The following RTN1 variants were observed in gnomAD, a reference collection of about 807,000 sequenced individuals.
RTN1 encodes reticulon-1.
Under a neutral mutation model 65.5 loss-of-function variants are expected in RTN1, and 25 were observed. That is an observed-to-expected ratio of 0.38 (90% CI 0.28 to 0.53). The LOEUF is 0.53. RTN1 is among the 20% of genes least tolerant of loss of function. RTN1 has a pLI of 0.79. For synonymous variants in RTN1, 471 were observed against 447.6 expected, an observed-to-expected ratio of 1.05 and a Z score of -0.66; for missense variants, 983 against 1,025.4, an observed-to-expected ratio of 0.96 and a Z score of 0.57.
chr14:59,859,177 A>C (rs1312758200), intron 1 of RTN1, among the ~76,000 whole-genome samples: 1 of 152,236 alleles, frequency 6.6e-6, no homozygotes, highest in Non-Finnish European at 1.5e-5. Context: ...TAAAATAATG[A>C]TATGGCTTGA....
intron 1 of RTN1, among the ~76,000 whole-genome samples, chr14:59,862,257 T>A (rs1887724017): frequency 6.6e-6 from 1 of 152,212 alleles, no homozygotes; most frequent in Admixed American, 6.5e-5. Flanking sequence ...GGCCATTATG[T>A]CCCTTCCTAA....
In RTN1 at chr14:59,607,149, C is replaced by T. The variant is rs564716772; in HGVS notation, c.1973+136G>A. ...ACCAGAAATGTTAGATATTCAAAGA[C>T]AGGGTGTTAGGGGAGACTCTAAGAG... On this transcript the variant is annotated intron_variant, in intron 4 of 8. Transcript: ENST00000267484. 8.6e-4 allele frequency: 569 copies of T among 662,108 alleles called. 6 individuals are homozygous for T. In the South Asian group the frequency reaches 0.011, roughly 12 times the overall value. 41.0% of individuals were successfully genotyped at this position (662,108 alleles called of 1,614,324 possible). A position where few individuals can be genotyped will look rare whatever the true frequency, so the allele number is the denominator to read the frequency against.
In RTN1 at chr14:59,607,379, G is replaced by T; in HGVS notation, c.1879C>A (p.Leu627Met). Residue 627 changes from leucine (L) to methionine (M), a missense_variant, in exon 4 of 9, where the codon CTG becomes ATG. Around this residue, in one of 2 missense-constraint regions of RTN1, gnomAD observed 165 missense variants for 223.6 expected, o/e 0.74. Coordinates refer to ENST00000267484, the MANE Select transcript of RTN1 (RefSeq NM_021136.3). ...GTGGCTGAGAGTGCGGCCAGGGCCA[G>T]GTAGGCCACGACGCTCACCACGCTG... The part of the protein sequence containing the change: ...QFSVVSVVAY[L>M]ALAALSATIS... The T allele has an allele frequency of 6.2e-7, 1 of 1,613,654 alleles. No homozygotes were observed. The highest frequency in any genetic ancestry group is 1.1e-5 in the South Asian group (1 of 91,050).
chr14:59,826,631 A>G (rs1243024359), intron 1 of RTN1, among the ~76,000 whole-genome samples: 1 of 152,240 alleles, frequency 6.6e-6, no homozygotes. Flanking sequence ...ACAAAGGCCC[A>G]CTTTTGCTAA....
At position 59,836,239 on chromosome 14, in the gene RTN1, A is replaced by AC. The variant is rs1207248947; in HGVS notation, c.241+34150dup. 6.6e-6 allele frequency among the ~76,000 whole-genome samples: 1 copy of AC among 152,222 alleles called. No homozygotes were observed. The highest frequency in any genetic ancestry group is 1.5e-5 in the Non-Finnish European group (1 of 68,046). On this transcript the variant is annotated intron_variant, in intron 1 of 8. Coordinates refer to ENST00000267484, the MANE Select transcript of RTN1 (RefSeq NM_021136.3). This position sits in a 1 kb window ranked among gnomAD's most constrained non-coding sequence, Gnocchi z 4.9. ...CAGGTTCCAGGGATTAGACGTGGAC[A>AC]CCTTTGGGAGCCATTATTCTGCCTA...
At chr14:59,632,783 G>C (rs1478988120) in intron 3 of RTN1, among the ~76,000 whole-genome samples, 1 of 152,034 alleles carries the variant, frequency 6.6e-6, no homozygotes, top group African/African-American at 2.4e-5. Flanking sequence ...TCTGGGCCAG[G>C]CGTTTTCATT....
At chr14:59,645,767 T>C (rs1200309807) in intron 3 of RTN1, among the ~76,000 whole-genome samples, 1 of 152,136 alleles carries the variant, frequency 6.6e-6, no homozygotes, top group African/African-American at 2.4e-5. Context: ...CTGGGCAGAG[T>C]TACCAGGCCC....
At chr14:59,698,503 T>C (rs1292864974) in intron 3 of RTN1, among the ~76,000 whole-genome samples, 1 of 152,122 alleles carries the variant, frequency 6.6e-6, no homozygotes, top group Non-Finnish European at 1.5e-5. Flanking sequence ...GGGAGGTAAT[T>C]GAATTGTGGG....
rs113834763 is a variant in RTN1, at chr14:59,676,246, C to T, written c.1765+50673G>A. On this transcript the variant is annotated intron_variant, in intron 3 of 8. Transcript: ENST00000267484. ...AACTTGAAGTGGAAAGCAATTTTAG[C>T]TAGTTTTTGCACAGAAGCTGTAAAA... 4.1e-3 allele frequency among the ~76,000 whole-genome samples: 621 copies of T among 152,296 alleles called. 4 individuals are homozygous for T. Among genetic ancestry groups the T allele is most frequent in the African/African-American group, 0.015 (603 of 41,562 alleles).
chr14:59,747,228 G>A (rs1288504319), intron 1 of RTN1, among the ~76,000 whole-genome samples: 1 of 152,184 alleles, frequency 6.6e-6, no homozygotes, highest in Non-Finnish European at 1.5e-5. Context: ...GGTGCTAAGG[G>A]TAAGACAGGT....
intron 3 of RTN1, among the ~76,000 whole-genome samples, chr14:59,612,530 T>C (rs1322444199): frequency 6.6e-6 from 1 of 152,220 alleles, no homozygotes; most frequent in Non-Finnish European, 1.5e-5. Flanking sequence ...TAGCAAATGT[T>C]GTGTACTTTG....
intron 1 of RTN1, among the ~76,000 whole-genome samples, chr14:59,842,134 A>T (rs1002018631): frequency 6.6e-6 from 1 of 151,722 alleles, no homozygotes; most frequent in African/African-American, 2.4e-5. Flanking sequence ...CTTGAAAAAA[A>T]TTTTAAAAAA....
rs1191220365 is a variant in RTN1 at position 59,794,569 on chromosome 14, ACTGTAACAAAGATC to A, written c.242-48102_242-48089del. Among the ~76,000 whole-genome samples, 1 of 152,202 alleles carries A rather than the reference ACTGTAACAAAGATC, an allele frequency of 6.6e-6. No homozygotes were observed. Among genetic ancestry groups the A allele is most frequent in the Non-Finnish European group, 1.5e-5 (1 of 68,030 alleles). The stretch of plus-strand genomic sequence containing the variant: ...ACTATATTAGAATACAGTTTTAATT[ACTGTAACAAAGATC>A]CATGTCTGCTCCATGGTGTTGGGAG... On this transcript the variant is annotated intron_variant, in intron 1 of 8. Transcript: ENST00000267484. This position sits in a 1 kb window ranked among gnomAD's most constrained non-coding sequence, Gnocchi z 5.1.
At position 59,596,733 on chromosome 14, in the gene RTN1, T is replaced by A; in HGVS notation, c.*12A>T. 2 of 1,603,476 alleles carry A rather than the reference T, an allele frequency of 1.2e-6. No individual in the cohort carries two copies. The highest frequency in any genetic ancestry group is 2.2e-5 in the South Asian group (2 of 90,848). ...ATTCCTGTTTGTGTCCAGTCCCCGG[T>A]GGGAAATCAGTTTACTCAGCATGCC... On this transcript the variant is annotated 3_prime_UTR_variant, in exon 9 of 9. Coordinates refer to ENST00000267484, the MANE Select transcript of RTN1 (RefSeq NM_021136.3).
intron 1 of RTN1, among the ~76,000 whole-genome samples, chr14:59,808,631 C>T (rs1451898494): frequency 1.3e-5 from 2 of 152,062 alleles, no homozygotes; most frequent in East Asian, 3.9e-4. Flanking sequence ...GGATCTGTGT[C>T]CCCACCCAAG....
At chr14:59,672,375 T>C (rs1594669492) in intron 3 of RTN1, among the ~76,000 whole-genome samples, 1 of 152,124 alleles carries the variant, frequency 6.6e-6, no homozygotes, top group Admixed American at 6.6e-5. Flanking sequence ...ACAAAGCCAG[T>C]GCAGGATCTC....
intron 8 of RTN1, among the ~76,000 whole-genome samples, chr14:59,600,108 C>T (rs1443327060): frequency 1.3e-5 from 2 of 152,052 alleles, no homozygotes; most frequent in East Asian, 3.9e-4. Context: ...TTATTAACCC[C>T]TATTTTAAGC....
At chr14:59,773,595 T>G (rs1885997845) in intron 1 of RTN1, among the ~76,000 whole-genome samples, 2 of 152,152 alleles carry the variant, frequency 1.3e-5, no homozygotes, top group East Asian at 3.9e-4. Context: ...GAGAATCAGA[T>G]GCAGTCTTTC....
rs1885860366 is a variant in RTN1 at position 59,766,907 on chromosome 14, C to T, written c.242-20426G>A. Among the ~76,000 whole-genome samples the T allele has an allele frequency of 6.6e-6, 1 of 152,170 alleles. No individual in the cohort carries two copies. On this transcript the variant is annotated intron_variant, in intron 1 of 8. Coordinates refer to ENST00000267484, the MANE Select transcript of RTN1 (RefSeq NM_021136.3). This position sits in a 1 kb window ranked among gnomAD's most constrained non-coding sequence, Gnocchi z 4.4. ...TTCAGTGTTTAGTTATTTAACTCCA[C>T]CCATCCCAGTATATCGGGCACTGAG...
Sources: allele counts gnomAD v4.1 joint callset (sites outside exome capture counted in the v4.1 genomes callset), GRCh38; gene constraint gnomAD v4.1.1; regional missense constraint gnomAD v4.1.1; non-coding constraint Gnocchi (gnomAD v3.1); transcripts MANE v1.5; gene names NCBI Gene and HGNC (gene_info 2026-07-23, HGNC 2026-07-21).